The following BLNK variants were observed in gnomAD, a reference collection of about 807,000 sequenced individuals.
The protein encoded by BLNK is B-cell linker protein.
A neutral mutation model predicts 73.5 loss-of-function variants in BLNK; 29 were observed. The ratio of observed to expected loss-of-function variants is 0.39; its 90% CI spans 0.29 to 0.54. The LOEUF is 0.54. Among genes scored for constraint, BLNK ranks in the 20% least tolerant of loss-of-function variants. The probability of loss-of-function intolerance (pLI) is 0.61; values close to 1 mark genes in which losing one functional copy is unlikely to be tolerated. For synonymous variants in BLNK, 176 were observed against 200.8 expected (o/e 0.88, Z 1.04); for missense variants, 460 against 562.8 (o/e 0.82, Z 1.85).
chr10:96,227,551 T>G lies in BLNK; in HGVS notation c.220A>C (p.Asn74His), dbSNP rs1554902841. The change falls in exon 5 of 17, where the codon AAT (asparagine) becomes CAT (histidine). Residue 74 changes from asparagine to histidine, a missense_variant. Asn to His is a moderately conservative substitution (Grantham distance 68, BLOSUM62 1). This residue lies in a region of BLNK where 139 missense variants were observed against 187.3 expected (regional missense o/e 0.74). Transcript: ENST00000224337. ...WSDDFDSDYE[N>H]PDEHSDSEMY... ...TCTGAGTCCGAGTGCTCATCTGGATTTTCATAGTCGCTGTCCTGCAAGTGC... is the reference window on the plus strand; with the variant it reads ...TCTGAGTCCGAGTGCTCATCTGGATGTTCATAGTCGCTGTCCTGCAAGTGC... 53 of 1,613,976 alleles carry G rather than the reference T, an allele frequency of 3.3e-5. No homozygotes were observed. The highest frequency in any genetic ancestry group is 4.0e-5 in the African/African-American group (3 of 74,940).
chr10:96,207,851 T>C (rs1225470882), intron 10 of BLNK, 21 bp downstream of exon 10: 3 of 1,613,616 alleles, frequency 1.9e-6, no homozygotes, highest in African/African-American at 1.3e-5. Context: ...TGAAGCACTT[T>C]TAAATGCAAA....
chr10:96,204,183 C>A, intron 12 of BLNK, 95 bp from the exon 13 acceptor site: 1 of 1,333,990 alleles, frequency 7.5e-7, no homozygotes. Flanking sequence ...ACAGGCACAT[C>A]ACAAATAAAT....
At chr10:96,193,892 T>G (rs2083391832) in intron 16 of BLNK, among the ~76,000 whole-genome samples, 1 of 152,246 alleles carries the variant, frequency 6.6e-6, no homozygotes, top group Non-Finnish European at 1.5e-5. Context: ...ACTTTAATTT[T>G]CCATTCAGAT....
chr10:96,205,417 A>G (rs1354134851), intron 11 of BLNK: 6 of 152,372 alleles, frequency 3.9e-5, no homozygotes, highest in Admixed American at 3.9e-4. Flanking sequence ...TAAAAGTAGT[A>G]AGAACTCAAA....
At chr10:96,206,550 C>CA (rs587613981) in intron 11 of BLNK, among the ~76,000 whole-genome samples, 108,337 of 126,988 alleles carry the variant, frequency 0.85, 47,618 homozygotes, top group Non-Finnish European at 0.96. Context: ...GACCCTAACT[C>CA]AAAAAAAAAA....
rs1554895834 is a variant in BLNK at position 96,200,411 on chromosome 10, AT to A, written c.1012-254del. On this transcript the variant is annotated intron_variant, in intron 14 of 16. Transcript: ENST00000224337. This position sits in a 1 kb window ranked among gnomAD's most constrained non-coding sequence, Gnocchi z 4.3. Reference sequence around the variant, plus strand: ...CTTTCTTTCTCCTAAATAAGTAATAATCCCCCTTTCCATTGTGCTCTTATTG... The same window carrying A: ...CTTTCTTTCTCCTAAATAAGTAATAACCCCCTTTCCATTGTGCTCTTATTG... 6.6e-6 allele frequency among the ~76,000 whole-genome samples: 1 copy of A among 152,112 alleles called. No homozygotes were observed. The highest frequency in any genetic ancestry group is 1.9e-4 in the East Asian group (1 of 5,204).
chr10:96,218,197 G>A (rs1433340880), intron 6 of BLNK, among the ~76,000 whole-genome samples: 1 of 152,180 alleles, frequency 6.6e-6, no homozygotes, highest in Non-Finnish European at 1.5e-5. Context: ...ACCTGCCCTG[G>A]TGGGCAGCCA....
rs1327395358 is a variant in BLNK at position 96,245,304 on chromosome 10, A to G, written c.113+1680T>C. The stretch of plus-strand genomic sequence containing the variant: ...ATAGAGAAATGAACTTCTATAAACT[A>G]TTTTTTGGTCCAAAATTTGGGGAGA... On this transcript the variant is annotated intron_variant, in intron 2 of 16. Transcript: ENST00000224337. 3.9e-5 allele frequency among the ~76,000 whole-genome samples: 6 copies of G among 152,278 alleles called. No homozygotes were observed. The East Asian group carries it at 1.2e-3, about 29-fold the overall frequency.
rs200016140 is a variant in BLNK, at chr10:96,264,743, C to CA, written c.47+6608dup. ...AGACAAGACAGGGTGAATCCTGCTCCAGAAACTCTCCCAGCTCATGGAAGG... is the reference window on the plus strand; with the variant it reads ...AGACAAGACAGGGTGAATCCTGCTCCAAGAAACTCTCCCAGCTCATGGAAGG... On this transcript the variant is annotated intron_variant, in intron 1 of 16. Transcript: ENST00000224337. Among the ~76,000 whole-genome samples the CA allele has an allele frequency of 2.5e-3, 375 of 152,276 alleles. 1 individual carries two copies. The highest frequency in any genetic ancestry group is 8.1e-3 in the African/African-American group (338 of 41,548).
At chr10:96,196,834 C>T in intron 16 of BLNK, 74 bp downstream of exon 16, 1 of 1,429,398 alleles carries the variant, frequency 7.0e-7, no homozygotes, top group Non-Finnish European at 9.8e-7. Flanking sequence ...TCATCTCTAG[C>T]ATCTAATACA....
intron 4 of BLNK, among the ~76,000 whole-genome samples, chr10:96,228,929 G>A (rs1475988563): frequency 6.6e-6 from 1 of 150,498 alleles, no homozygotes; most frequent in Non-Finnish European, 1.5e-5. Context: ...TTTTCCTGTT[G>A]GTCTTTAAAA....
At chr10:96,231,652 A>AG (rs1842502997) in intron 3 of BLNK, among the ~76,000 whole-genome samples, 1 of 149,484 alleles carries the variant, frequency 6.7e-6, no homozygotes, top group Non-Finnish European at 1.5e-5. Flanking sequence ...GCTTGAGCCC[A>AG]GGGGGTCGAG....
In BLNK at chr10:96,208,919, A is replaced by G. The variant is rs187479921; in HGVS notation, c.746+919T>C. On this transcript the variant is annotated intron_variant, in intron 9 of 16. Transcript: ENST00000224337. The stretch of plus-strand genomic sequence containing the variant: ...CAGAGTTTTGGTTAATAAACCTTCA[A>G]CATGGAGGCTTTCTTTGGTTTACAC... 7.9e-5 allele frequency among the ~76,000 whole-genome samples: 12 copies of G among 152,338 alleles called. 1 individual carries two copies. Among genetic ancestry groups the G allele is most frequent in the Admixed American group, 7.8e-4 (12 of 15,296 alleles).
At chr10:96,210,600 GC>G (rs1159054268) in intron 8 of BLNK, among the ~76,000 whole-genome samples, 1 of 152,180 alleles carries the variant, frequency 6.6e-6, no homozygotes, top group African/African-American at 2.4e-5. Flanking sequence ...GAAGATAGAT[GC>G]CAGACAATCG....
intron 3 of BLNK, among the ~76,000 whole-genome samples, chr10:96,232,264 C>T (rs971465492): frequency 6.6e-6 from 1 of 151,984 alleles, no homozygotes; most frequent in African/African-American, 2.4e-5. Flanking sequence ...CCTAAATTTC[C>T]CAGAACCTCA....
intron 16 of BLNK, among the ~76,000 whole-genome samples, chr10:96,194,580 A>G (rs1591289123): frequency 6.6e-6 from 1 of 152,158 alleles, no homozygotes; most frequent in East Asian, 1.9e-4. Context: ...TGGGAAAAAT[A>G]TTTGCAAATC....
At chr10:96,259,596 G>A (rs1843657674) in intron 1 of BLNK, among the ~76,000 whole-genome samples, 1 of 150,228 alleles carries the variant, frequency 6.7e-6, no homozygotes, top group Non-Finnish European at 1.5e-5. Context: ...CTTGCTGCCA[G>A]GGCTGTTTCT....
chr10:96,244,475 G>T (rs1437698344), intron 2 of BLNK, among the ~76,000 whole-genome samples: 1 of 152,186 alleles, frequency 6.6e-6, no homozygotes, highest in African/African-American at 2.4e-5. Flanking sequence ...CTCTGTAGCT[G>T]GCTGCTGTGC....
At chr10:96,262,868 G>A (rs1273876266) in intron 1 of BLNK, among the ~76,000 whole-genome samples, 1 of 152,204 alleles carries the variant, frequency 6.6e-6, no homozygotes, top group Non-Finnish European at 1.5e-5. Flanking sequence ...TCTATGAAAA[G>A]TGAAGAACAA....
Sources: allele counts gnomAD v4.1 joint callset (sites outside exome capture counted in the v4.1 genomes callset), GRCh38; gene constraint gnomAD v4.1.1; regional missense constraint gnomAD v4.1.1; non-coding constraint Gnocchi (gnomAD v3.1); transcripts MANE v1.5; gene names NCBI Gene and HGNC (gene_info 2026-07-23, HGNC 2026-07-21).